LPIN1: variants seen among roughly 807,000 people sequenced by gnomAD.
LPIN1 encodes phosphatidate phosphatase LPIN1.
LPIN1 carries 71 observed loss-of-function variants against 107.5 expected under a neutral mutation model. That is an observed-to-expected ratio of 0.66 (90% confidence interval 0.55 to 0.80). LPIN1 has a LOEUF of 0.80. Among genes scored for constraint, LPIN1 ranks in the 30% least tolerant of loss-of-function variants. LPIN1 has a pLI of 0.00. For missense variants in LPIN1, 1,043 were observed against 1,160.6 expected, an observed-to-expected ratio of 0.90 and a Z score of 1.47; for synonymous variants, 445 against 452.6, an observed-to-expected ratio of 0.98 and a Z score of 0.21.
intron 1 of LPIN1, among the ~76,000 whole-genome samples, chr2:11,725,770 G>A (rs1286405451): frequency 6.6e-6 from 1 of 152,174 alleles, no homozygotes; most frequent in Admixed American, 6.5e-5. Flanking sequence ...CTGACACTCT[G>A]AGGCTCCTGG....
intron 2 of LPIN1, among the ~76,000 whole-genome samples, chr2:11,714,333 G>T (rs1040786391): frequency 2.0e-5 from 3 of 152,148 alleles, no homozygotes; most frequent in Non-Finnish European, 4.4e-5. Context: ...AGCATCTCTG[G>T]GATTGTTTTT....
At chr2:11,773,776 G>A (rs915013368) in intron 5 of LPIN1, 31 bp downstream of exon 5, 7 of 1,612,606 alleles carry the variant, frequency 4.3e-6, no homozygotes, top group African/African-American at 2.7e-5. Context: ...CTGGCCCAGT[G>A]CAGAGGCTTA....
intron 1 of LPIN1, among the ~76,000 whole-genome samples, chr2:11,725,032 C>T (rs1048529339): frequency 4.6e-5 from 7 of 152,254 alleles, no homozygotes; most frequent in Admixed American, 2.6e-4. Flanking sequence ...GAGGCCGAGG[C>T]GGGCGGATCA....
intron 1 of LPIN1, among the ~76,000 whole-genome samples, chr2:11,692,215 C>T (rs987427044): frequency 4.6e-5 from 7 of 152,058 alleles, no homozygotes; most frequent in Non-Finnish European, 2.9e-5. Flanking sequence ...CTTACTGCCC[C>T]AGGGATTTTG....
At position 11,761,897 on chromosome 2, in the gene LPIN1, C is replaced by T. The variant is rs549686225; in HGVS notation, c.-9-3636C>T. Among the ~76,000 whole-genome samples the T allele has an allele frequency of 1.4e-3, 212 of 152,228 alleles. 1 individual carries two copies. The Middle Eastern group carries it at 0.031, about 22-fold the overall frequency. Reference sequence around the variant, plus strand: ...ACCAAACGTGTGTGTGTCTCTTGCACGCCAAGCAGTTCTCCAGCTCTCGGA... The same window carrying T: ...ACCAAACGTGTGTGTGTCTCTTGCATGCCAAGCAGTTCTCCAGCTCTCGGA... On this transcript the variant is annotated intron_variant, in intron 1 of 20. Coordinates refer to ENST00000674199, the MANE Select transcript of LPIN1 (RefSeq NM_001349206.2).
Position 11,768,002 on chromosome 2 carries a change from G to C in LPIN1, c.288+144G>C, listed in dbSNP as rs1349884488. 4 of 704,686 alleles carry C rather than the reference G, an allele frequency of 5.7e-6. No homozygotes were observed. In the Admixed American group the frequency reaches 8.1e-5, roughly 14 times the overall value. The allele number at this position is 704,686 out of a possible 1,614,324, so 43.7% of individuals were successfully genotyped here. On this transcript the variant is annotated intron_variant, in intron 3 of 20. Coordinates refer to ENST00000674199, the MANE Select transcript of LPIN1 (RefSeq NM_001349206.2). ...GGCAGAGAAAAGTGGGCGTTGATCT[G>C]TGTGGGGGATTTGAGCCAGACGGCC...
chr2:11,794,933 A>G (rs1476266622), intron 13 of LPIN1, among the ~76,000 whole-genome samples: 1 of 152,238 alleles, frequency 6.6e-6, no homozygotes, highest in Admixed American at 6.5e-5. Context: ...GGTTCTTTCC[A>G]GTACACCAAC....
chr2:11,797,501 G>A (rs2148685999), intron 14 of LPIN1, among the ~76,000 whole-genome samples: 1 of 152,364 alleles, frequency 6.6e-6, no homozygotes, highest in African/African-American at 2.4e-5. Flanking sequence ...CCAAGGCTGT[G>A]GGAGCCCACC....
chr2:11,787,168 G>GTAA lies in LPIN1; in HGVS notation c.1643+2_1643+4dup. ...ATCTCGTGGTAAAGATTGGGAGTAA[G>GTAA]TAAGTACCTCTTGAAAGTCACTTTG... is the stretch of plus-strand genomic sequence containing the variant. On this transcript the variant is annotated splice_donor_variant, in intron 11 of 20. Transcript: ENST00000674199. LOFTEE classifies it high-confidence loss of function. The GTAA allele has an allele frequency of 6.2e-7, 1 of 1,607,892 alleles. No homozygotes were observed. The highest frequency in any genetic ancestry group is 8.5e-7 in the Non-Finnish European group (1 of 1,174,200).
At chr2:11,742,610 C>A (rs1445441369), upstream of LPIN1, among the ~76,000 whole-genome samples, 4 of 152,210 alleles carry the variant, frequency 2.6e-5, no homozygotes, top group Non-Finnish European at 5.9e-5. Context: ...GCCACTGTTT[C>A]TAAGTAATGG....
intron 17 of LPIN1, among the ~76,000 whole-genome samples, chr2:11,814,019 T>C (rs763372349): frequency 1.3e-5 from 2 of 151,910 alleles, no homozygotes; most frequent in Non-Finnish European, 2.9e-5. Context: ...TTTGGAGCTG[T>C]GGAAGTGGGT....
At chr2:11,799,436 G>A (rs911325223) in intron 14 of LPIN1, among the ~76,000 whole-genome samples, 5 of 146,066 alleles carry the variant, frequency 3.4e-5, no homozygotes, top group African/African-American at 5.2e-5. Context: ...CTGTAGCCTC[G>A]TTCTTCTTCT....
At chr2:11,677,679 G>A (rs1241968186) in exon 1 of LPIN1, 1 of 1,535,644 alleles carries the variant, frequency 6.5e-7, no homozygotes. Flanking sequence ...CGCAGCTCCA[G>A]CTGGGAGACC....
rs143650210 is a variant in LPIN1 at position 11,824,787 on chromosome 2, C to G, written c.2777C>G (p.Ala926Gly). The G allele has an allele frequency of 6.2e-7, 1 of 1,614,158 alleles. No individual in the cohort carries two copies. The highest frequency in any genetic ancestry group is 8.5e-7 in the Non-Finnish European group (1 of 1,180,032). ...FENQDIHSASA is the reference protein window; with the variant it reads ...FENQDIHSASG Reference sequence around the variant, plus strand: ...AACCAGGACATTCATTCTGCCTCAGCGTAAAATGTCCCAAGCAGCCTCTTG... The same window carrying G: ...AACCAGGACATTCATTCTGCCTCAGGGTAAAATGTCCCAAGCAGCCTCTTG... Residue 926 changes from alanine to glycine, a missense_variant, in exon 21 of 21, where the codon GCG becomes GGG. Physicochemically the swap from Ala to Gly is moderately conservative, Grantham distance 60. Coordinates refer to ENST00000674199, the MANE Select transcript of LPIN1 (RefSeq NM_001349206.2).
chr2:11,813,435 A>G (rs1329829268), intron 17 of LPIN1, among the ~76,000 whole-genome samples: 1 of 152,192 alleles, frequency 6.6e-6, no homozygotes, highest in Non-Finnish European at 1.5e-5. Flanking sequence ...GGAAGACAGA[A>G]AAGGTCACAC....
chr2:11,765,239 GCCCTGATGGA>G lies in LPIN1; in HGVS notation c.-9-274_-9-265del, dbSNP rs1170979311. Reference sequence around the variant, plus strand: ...GATGGACACTGATGGGCCATGATGGGCCCTGATGGACCCTGATGGACCCTGATGGGCCGTG... The same window carrying G: ...GATGGACACTGATGGGCCATGATGGGCCCTGATGGACCCTGATGGGCCGTG... On this transcript the variant is annotated intron_variant, in intron 1 of 20. Coordinates refer to ENST00000674199, the MANE Select transcript of LPIN1 (RefSeq NM_001349206.2). This position sits in a 1 kb window ranked among gnomAD's most constrained non-coding sequence, Gnocchi z 4.4. Among the ~76,000 whole-genome samples the G allele has an allele frequency of 1.1e-4, 17 of 152,014 alleles. No homozygotes were observed. Among genetic ancestry groups the G allele is most frequent in the African/African-American group, 3.4e-4 (14 of 41,462 alleles).
Position 11,755,257 on chromosome 2 carries a change from G to C in LPIN1, c.-10+8586G>C, listed in dbSNP as rs563453464. ...GCTGGGATTACAGGCATGAGCCACC[G>C]CGCCCGGCCATTTCTTCTCATTTTT... is the stretch of plus-strand genomic sequence containing the variant. On this transcript the variant is annotated intron_variant, in intron 1 of 20. Coordinates refer to ENST00000674199, the MANE Select transcript of LPIN1 (RefSeq NM_001349206.2). 2.0e-5 allele frequency among the ~76,000 whole-genome samples: 3 copies of C among 152,140 alleles called. No homozygotes were observed. The East Asian group carries it at 5.8e-4, about 29-fold the overall frequency.
At position 11,774,211 on chromosome 2, in the gene LPIN1, A is replaced by G. The variant is rs1672312707; in HGVS notation, c.722+466A>G. Among the ~76,000 whole-genome samples, 1 of 152,234 alleles carries G rather than the reference A, an allele frequency of 6.6e-6. No individual in the cohort carries two copies. Among genetic ancestry groups the G allele is most frequent in the Non-Finnish European group, 1.5e-5 (1 of 68,034 alleles). ...CTGAAATGAACTCACAAGTTGCCCT[A>G]GAGGAAAACTTGGAGAACTAGAGCT... On this transcript the variant is annotated intron_variant, in intron 5 of 20. Transcript: ENST00000674199. This position sits in a 1 kb window ranked among gnomAD's most constrained non-coding sequence, Gnocchi z 4.4.
intron 2 of LPIN1, among the ~76,000 whole-genome samples, chr2:11,716,351 G>A (rs971228740): frequency 2.0e-5 from 3 of 152,066 alleles, no homozygotes; most frequent in Non-Finnish European, 4.4e-5. Context: ...AAATGAGGAG[G>A]AAGGGCAATA....
Sources: gnomAD v4.1 joint callset for allele counts (sites outside exome capture counted in the v4.1 genomes callset) on GRCh38, gnomAD v4.1.1 for gene constraint, Gnocchi (gnomAD v3.1) non-coding constraint, MANE v1.5 for transcripts, NCBI Gene and HGNC (gene_info 2026-07-23, HGNC 2026-07-21) for gene names.